WWOX: variants seen among roughly 807,000 people sequenced by gnomAD.
WWOX encodes WW domain-containing oxidoreductase.
A neutral mutation model predicts 46.2 loss-of-function variants in WWOX; 69 were observed. The ratio of observed to expected loss-of-function variants is 1.49; its 90% CI spans 1.23 to 1.82. WWOX has a LOEUF of 1.82. Among genes scored for constraint, WWOX ranks in the 40% most tolerant of loss-of-function variants. WWOX has a pLI of 0.00. For synonymous variants in WWOX, 359 were observed against 202.6 expected, an observed-to-expected ratio of 1.77 and a Z score of -6.56; for missense variants, 919 against 542.6, an observed-to-expected ratio of 1.69 and a Z score of -6.89.
chr16:78,554,473 G>A (rs970701577), intron 8 of WWOX, among the ~76,000 whole-genome samples: 1 of 152,022 alleles, frequency 6.6e-6, no homozygotes, highest in Non-Finnish European at 1.5e-5. Flanking sequence ...CTGATGGGTT[G>A]GTAGAAGTGA....
At position 78,302,670 on chromosome 16, in the gene WWOX, T is replaced by G. The variant is rs144764452; in HGVS notation, c.517-84190T>G. On this transcript the variant is annotated intron_variant, in intron 5 of 8. Coordinates refer to ENST00000566780, the MANE Select transcript of WWOX (RefSeq NM_016373.4). ...AGTAGAGGGCATGTGGTCTCTACTT[T>G]GCCACAATCTCCACCATACCTTATT... Among the ~76,000 whole-genome samples, 1,047 of 152,278 alleles carry G rather than the reference T, an allele frequency of 6.9e-3. 19 individuals are homozygous for G. Among genetic ancestry groups the G allele is most frequent in the African/African-American group, 0.024 (1,008 of 41,556 alleles).
rs534957914 is a variant in WWOX, at chr16:78,292,545, A to G, written c.517-94315A>G. Among the ~76,000 whole-genome samples the G allele has an allele frequency of 9.0e-4, 137 of 152,296 alleles. 1 individual carries two copies. The highest frequency in any genetic ancestry group is 3.2e-3 in the African/African-American group (133 of 41,554). ...CATTACACCCACATGCAGTATTTCT[A>G]TGGTCCAAATAAGTATCTGTCGGAC... is the stretch of plus-strand genomic sequence containing the variant. On this transcript the variant is annotated intron_variant, in intron 5 of 8. Transcript: ENST00000566780.
At chr16:78,137,921 G>T (rs2033856958) in intron 4 of WWOX, among the ~76,000 whole-genome samples, 1 of 150,794 alleles carries the variant, frequency 6.6e-6, no homozygotes, top group South Asian at 2.1e-4. Flanking sequence ...CTTATCCATA[G>T]TGTGTGGATA....
At chr16:79,046,334 A>T (rs979711102) in intron 8 of WWOX, among the ~76,000 whole-genome samples, 3 of 152,214 alleles carry the variant, frequency 2.0e-5, no homozygotes, top group Admixed American at 1.3e-4. Context: ...AAGAAAAATT[A>T]GTCATTCTCT....
At chr16:78,479,932 C>T (rs575248856) in intron 8 of WWOX, among the ~76,000 whole-genome samples, 126 of 152,276 alleles carry the variant, frequency 8.3e-4, no homozygotes, top group South Asian at 3.5e-3. Context: ...AATGGAGCAT[C>T]TAAGAGACAA....
At chr16:78,408,665 G>C (rs1271651230) in intron 6 of WWOX, among the ~76,000 whole-genome samples, 1 of 152,220 alleles carries the variant, frequency 6.6e-6, no homozygotes, top group Non-Finnish European at 1.5e-5. Flanking sequence ...CTGTCGTCTT[G>C]ACCTTGTAAA....
intron 8 of WWOX, among the ~76,000 whole-genome samples, chr16:79,072,631 T>TA (rs2048572789): frequency 6.6e-6 from 1 of 152,228 alleles, no homozygotes; most frequent in South Asian, 2.1e-4. Context: ...CTATAATTAT[T>TA]AATGATCAAA....
At chr16:78,785,306 C>A (rs915503082) in intron 8 of WWOX, among the ~76,000 whole-genome samples, 1 of 152,200 alleles carries the variant, frequency 6.6e-6, no homozygotes, top group Non-Finnish European at 1.5e-5. Context: ...CACTTCCCAG[C>A]AGCAGCTTTG....
intron 8 of WWOX, among the ~76,000 whole-genome samples, chr16:78,477,293 G>C (rs1228153222): frequency 6.6e-6 from 1 of 152,138 alleles, no homozygotes; most frequent in Non-Finnish European, 1.5e-5. Flanking sequence ...AGCTCATTAT[G>C]TAAGCAGTAA....
chr16:79,050,336 G>C (rs539092944), intron 8 of WWOX, among the ~76,000 whole-genome samples: 49 of 152,260 alleles, frequency 3.2e-4, no homozygotes, highest in African/African-American at 1.2e-3. Context: ...TAGCTGGGGT[G>C]GTTCTCCTCC....
intron 8 of WWOX, among the ~76,000 whole-genome samples, chr16:78,773,650 C>T (rs922794915): frequency 1.1e-4 from 16 of 152,172 alleles, no homozygotes; most frequent in Admixed American, 1.0e-3. Flanking sequence ...TTCCGCTACT[C>T]ACTGGATAGT....
At chr16:78,941,147 G>C (rs774591528) in intron 8 of WWOX, among the ~76,000 whole-genome samples, 10 of 152,104 alleles carry the variant, frequency 6.6e-5, no homozygotes, top group Non-Finnish European at 1.2e-4. Context: ...TTAACAAGCA[G>C]ATATACTGAA....
At chr16:78,512,849 G>A (rs534248139) in intron 8 of WWOX, among the ~76,000 whole-genome samples, 1 of 152,296 alleles carries the variant, frequency 6.6e-6, no homozygotes, top group South Asian at 2.1e-4. Flanking sequence ...GCTTCCGAAT[G>A]CAGCCCTCCC....
intron 8 of WWOX, chr16:79,017,098 A>C (rs2047429845): frequency 1.3e-5 from 2 of 152,128 alleles, no homozygotes; most frequent in South Asian, 4.1e-4. Flanking sequence ...TTCTCTAGCT[A>C]GTTATCTATC....
intron 8 of WWOX, among the ~76,000 whole-genome samples, chr16:79,066,109 T>C (rs1055285137): frequency 6.6e-5 from 10 of 152,202 alleles, no homozygotes; most frequent in Non-Finnish European, 1.5e-4. Context: ...TCCTGCTTTT[T>C]CTTTTTGTGC....
At position 78,746,133 on chromosome 16, in the gene WWOX, A is replaced by G. The variant is rs1373644793; in HGVS notation, c.1056+313381A>G. Among the ~76,000 whole-genome samples the G allele has an allele frequency of 3.3e-5, 5 of 152,262 alleles. No homozygotes were observed. The South Asian group carries it at 6.2e-4, about 19-fold the overall frequency. On this transcript the variant is annotated intron_variant, in intron 8 of 8. Coordinates refer to ENST00000566780, the MANE Select transcript of WWOX (RefSeq NM_016373.4). ...TGATTTGTCCAAGGACATCGTTTTGATATGATGAACCATGGGTGGTTTGGG... is the reference window on the plus strand; with the variant it reads ...TGATTTGTCCAAGGACATCGTTTTGGTATGATGAACCATGGGTGGTTTGGG...
At chr16:78,892,091 G>C (rs906844877) in intron 8 of WWOX, 1 of 152,052 alleles carries the variant, frequency 6.6e-6, no homozygotes, top group Admixed American at 6.6e-5. Context: ...AATGTCTTCT[G>C]TTTCTCGCTA....
At chr16:78,467,440 CAG>C (rs527547790) in intron 8 of WWOX, among the ~76,000 whole-genome samples, 1 of 152,104 alleles carries the variant, frequency 6.6e-6, no homozygotes, top group Non-Finnish European at 1.5e-5. Context: ...TAGATTAAAA[CAG>C]AAATTAAAGA....
intron 6 of WWOX, among the ~76,000 whole-genome samples, chr16:78,403,199 A>AT (rs1001263412): frequency 1.8e-4 from 28 of 151,990 alleles, no homozygotes; most frequent in African/African-American, 6.5e-4. Context: ...TCCCCAAACA[A>AT]TTTTTTTCTT....
Sources: gnomAD v4.1 joint callset for allele counts (sites outside exome capture counted in the v4.1 genomes callset) on GRCh38, gnomAD v4.1.1 for gene constraint, MANE v1.5 for transcripts, NCBI Gene and HGNC (gene_info 2026-07-23, HGNC 2026-07-21) for gene names.